Variants in INPP4A observed in about 807,000 individuals in gnomAD.
INPP4A encodes inositol polyphosphate-4-phosphatase type I A.
A neutral mutation model predicts 119.8 loss-of-function variants in INPP4A; 33 were observed. The ratio of observed to expected loss-of-function variants is 0.28; its 90% CI spans 0.21 to 0.37. The LOEUF (loss-of-function observed/expected upper bound fraction) is 0.37, where lower values mean the gene tolerates loss of function less well. INPP4A is among the 10% of genes least tolerant of loss of function. The pLI, the probability that INPP4A is intolerant of heterozygous loss-of-function variation, is 1.00. For synonymous variants in INPP4A, 496 were observed against 500.7 expected (o/e 0.99, Z 0.12); for missense variants, 956 against 1,289.9 (o/e 0.74, Z 3.97).
chr2:98,584,661 G>GT (rs1478012882), intron 24 of INPP4A, among the ~76,000 whole-genome samples: 3 of 152,252 alleles, frequency 2.0e-5, no homozygotes, highest in African/African-American at 7.2e-5. Context: ...AAGGTTCTTT[G>GT]TTTCTCTCCT....
chr2:98,538,066 A>T (rs1482130540), intron 8 of INPP4A, 92 bp downstream of exon 8: 1 of 820,032 alleles, frequency 1.2e-6, no homozygotes, highest in Non-Finnish European at 2.0e-6. Flanking sequence ...CTCTGTGCTC[A>T]GCAAAGGGCA....
intron 4 of INPP4A, among the ~76,000 whole-genome samples, chr2:98,525,667 A>G (rs1688057836): frequency 6.6e-6 from 1 of 152,256 alleles, no homozygotes; most frequent in Non-Finnish European, 1.5e-5. Flanking sequence ...ATAGTAAACA[A>G]CCAAATTTTT....
intron 1 of INPP4A, among the ~76,000 whole-genome samples, chr2:98,446,916 T>C (rs1694291971): frequency 6.6e-6 from 1 of 152,230 alleles, no homozygotes; most frequent in Non-Finnish European, 1.5e-5. Context: ...ATTTGTAAAC[T>C]GTAGAGCACT....
intron 1 of INPP4A, among the ~76,000 whole-genome samples, chr2:98,482,352 T>C (rs1325188213): frequency 6.6e-6 from 1 of 152,212 alleles, no homozygotes; most frequent in Non-Finnish European, 1.5e-5. Flanking sequence ...TGGCCAGCTG[T>C]GGTTTAGCTT....
At chr2:98,586,031 G>T (rs905079375) in intron 24 of INPP4A, among the ~76,000 whole-genome samples, 1 of 152,198 alleles carries the variant, frequency 6.6e-6, no homozygotes, top group African/African-American at 2.4e-5. Flanking sequence ...TCTGCTTTAA[G>T]TGGAAGTACG....
In INPP4A at chr2:98,554,484, G is replaced by A; in HGVS notation, c.1561G>A (p.Glu521Lys). 6.2e-7 allele frequency: 1 copy of A among 1,612,856 alleles called. No homozygotes were observed. The highest frequency in any genetic ancestry group is 8.5e-7 in the Non-Finnish European group (1 of 1,179,458). Residue 521 changes from glutamate (E) to lysine (K), a missense_variant, in exon 15 of 25, where the codon GAG becomes AAG. By Grantham distance (56) the Glu-to-Lys change is moderately conservative. Around this residue, in one of 2 missense-constraint regions of INPP4A, gnomAD observed 652 missense variants for 797.9 expected, o/e 0.82. Coordinates refer to ENST00000409851, the MANE Select transcript of INPP4A (RefSeq NM_001134225.2). This position sits in a 1 kb window ranked among gnomAD's most constrained non-coding sequence, Gnocchi z 4.7. The part of the protein sequence containing the change: ...SSLQVDWHEE[E>K]WEKVWLNVDK... ...CCTGCAGGTGGACTGGCACGAGGAG[G>A]AGTGGGTGAGTCTGCTGCTGTGGCT... is the stretch of plus-strand genomic sequence containing the variant.
At chr2:98,510,759 C>T (rs764446155) in intron 1 of INPP4A, among the ~76,000 whole-genome samples, 1 of 152,216 alleles carries the variant, frequency 6.6e-6, no homozygotes, top group Non-Finnish European at 1.5e-5. Context: ...AGCACAGTGA[C>T]TGACTCCCTC....
intron 1 of INPP4A, among the ~76,000 whole-genome samples, chr2:98,497,570 A>C (rs563873310): frequency 2.6e-5 from 4 of 152,274 alleles, no homozygotes; most frequent in African/African-American, 9.6e-5. Flanking sequence ...GTCTATTCAG[A>C]TCTTTTGCCC....
intron 1 of INPP4A, among the ~76,000 whole-genome samples, chr2:98,487,206 C>G (rs1051088078): frequency 2.6e-5 from 4 of 152,136 alleles, no homozygotes; most frequent in Non-Finnish European, 4.4e-5. Flanking sequence ...TCACCAAATT[C>G]CATGTTTTAT....
chr2:98,587,340 T>C (rs1246006403), intron 24 of INPP4A, 136 bp from the exon 25 acceptor site: 2 of 916,012 alleles, frequency 2.2e-6, no homozygotes, highest in Admixed American at 3.6e-5. Flanking sequence ...GTATTTGTTG[T>C]AAATGAGTCC....
intron 1 of INPP4A, among the ~76,000 whole-genome samples, chr2:98,477,783 G>C (rs1309252237): frequency 6.6e-6 from 1 of 152,222 alleles, no homozygotes; most frequent in Non-Finnish European, 1.5e-5. Flanking sequence ...GTCTTGCCCA[G>C]GAGACAGCGG....
chr2:98,497,220 G>A (rs551767524), intron 1 of INPP4A, among the ~76,000 whole-genome samples: 3 of 152,346 alleles, frequency 2.0e-5, no homozygotes, highest in East Asian at 1.9e-4. Context: ...AAGAATTGGG[G>A]TTTGGGAACC....
At chr2:98,486,159 G>T (rs952789793) in intron 1 of INPP4A, among the ~76,000 whole-genome samples, 13 of 152,138 alleles carry the variant, frequency 8.5e-5, no homozygotes, top group South Asian at 4.1e-4. Flanking sequence ...ACTTCATGGG[G>T]TACTGTAATT....
chr2:98,566,064 C>T lies in INPP4A; in HGVS notation c.2315C>T (p.Pro772Leu), dbSNP rs200128112. The T allele has an allele frequency of 1.1e-4, 169 of 1,603,792 alleles. 1 individual carries two copies. Among genetic ancestry groups the T allele is most frequent in the Admixed American group, 4.9e-4 (29 of 59,076 alleles). ...AACGTGCGGGTCCCTCTGCCGGGCC[C>T]GCTGTTTGACGCCTTGCCCCGGGAG... Reference protein sequence around the residue: ...GFNVRVPLPGPLFDALPREIQ... With the variant: ...GFNVRVPLPGLLFDALPREIQ... The change falls in exon 21 of 25, where the codon CCG becomes CTG. Residue 772 changes from proline (P) to leucine (L), a missense_variant. This residue lies in a region of INPP4A where 304 missense variants were observed against 492.1 expected (regional missense o/e 0.62). Coordinates refer to ENST00000409851, the MANE Select transcript of INPP4A (RefSeq NM_001134225.2). This position sits in a 1 kb window ranked among gnomAD's most constrained non-coding sequence, Gnocchi z 4.2.
intron 1 of INPP4A, among the ~76,000 whole-genome samples, chr2:98,499,383 C>A (rs763160796): frequency 1.3e-5 from 2 of 152,212 alleles, no homozygotes; most frequent in Non-Finnish European, 2.9e-5. Context: ...TTTGCAGCTT[C>A]CCTGTAGAAA....
In INPP4A at chr2:98,589,103, T is replaced by A. The variant is rs1700193031; in HGVS notation, c.*1495T>A. 5.6e-6 allele frequency: 1 copy of A among 179,812 alleles called. No individual in the cohort carries two copies. The highest frequency in any genetic ancestry group is 2.4e-5 in the African/African-American group (1 of 42,412). 11.1% of individuals were successfully genotyped at this position (179,812 alleles called of 1,614,324 possible). A position where few individuals can be genotyped will look rare whatever the true frequency, so the allele number is the denominator to read the frequency against. ...CAGAAGTCAGCATGCAAGCAGCGCC[T>A]GCTGTCTCCCGATGCCTGCAGGGAG... On this transcript the variant is annotated 3_prime_UTR_variant, in exon 25 of 25. Coordinates refer to ENST00000409851, the MANE Select transcript of INPP4A (RefSeq NM_001134225.2).
intron 1 of INPP4A, among the ~76,000 whole-genome samples, chr2:98,506,497 C>T (rs1180249743): frequency 6.6e-6 from 1 of 152,258 alleles, no homozygotes; most frequent in Non-Finnish European, 1.5e-5. Context: ...GTTGCTCACA[C>T]TTATATTTCT....
At chr2:98,548,174 T>C (rs1320895035) in intron 13 of INPP4A, among the ~76,000 whole-genome samples, 1 of 152,070 alleles carries the variant, frequency 6.6e-6, no homozygotes, top group Non-Finnish European at 1.5e-5. Flanking sequence ...TTCAGATACG[T>C]GCACAGGCTG....
intron 4 of INPP4A, among the ~76,000 whole-genome samples, chr2:98,522,420 T>TA: frequency 6.6e-6 from 1 of 152,098 alleles, no homozygotes; most frequent in South Asian, 2.1e-4. Context: ...CTTAGAAGTT[T>TA]AAAATATGAT....
Sources: gnomAD v4.1 joint callset for allele counts (sites outside exome capture counted in the v4.1 genomes callset) on GRCh38, gnomAD v4.1.1 for gene constraint, gnomAD v4.1.1 regional missense constraint, Gnocchi (gnomAD v3.1) non-coding constraint, MANE v1.5 for transcripts, NCBI Gene and HGNC (gene_info 2026-07-23, HGNC 2026-07-21) for gene names.